TNFRSF1B: variants seen among roughly 807,000 people sequenced by gnomAD.
TNFRSF1B encodes TNF receptor superfamily member 1B, also known as tumor necrosis factor receptor superfamily member 1B.
In TNFRSF1B, 19 loss-of-function variants were observed where a neutral mutation model predicts 44.6. The ratio of observed to expected loss-of-function variants is 0.43; its 90% CI spans 0.30 to 0.62. The LOEUF (loss-of-function observed/expected upper bound fraction) is 0.62. Ranked by LOEUF, TNFRSF1B falls within the 20% of genes least tolerant of loss-of-function variation. The pLI, the probability that TNFRSF1B is intolerant of heterozygous loss-of-function variation, is 0.16. For missense variants in TNFRSF1B, 541 were observed against 619.9 expected, an observed-to-expected ratio of 0.87 and a Z score of 1.35; for synonymous variants, 252 against 261.1, an observed-to-expected ratio of 0.97 and a Z score of 0.34.
At chr1:12,193,332 G>A (rs570650340) in intron 6 of TNFRSF1B, among the ~76,000 whole-genome samples, 1 of 152,342 alleles carries the variant, frequency 6.6e-6, no homozygotes, top group East Asian at 1.9e-4. Context: ...CAGTGCTTTG[G>A]GAGGCCAAGG....
At chr1:12,188,920 G>C (rs371927176) in intron 2 of TNFRSF1B, 25 bp downstream of exon 2, 3 of 1,604,242 alleles carry the variant, frequency 1.9e-6, no homozygotes, top group South Asian at 2.2e-5. Context: ...GGGGGCACTC[G>C]GGGCCCATGC....
intron 9 of TNFRSF1B, among the ~76,000 whole-genome samples, chr1:12,205,764 G>A (rs1287625898): frequency 1.3e-5 from 2 of 152,050 alleles, no homozygotes; most frequent in Non-Finnish European, 2.9e-5. Flanking sequence ...TGGGATTATA[G>A]GCACCTGCCA....
rs1041349825 is a variant in TNFRSF1B at position 12,186,828 on chromosome 1, C to T, written c.79-1968C>T. Among the ~76,000 whole-genome samples the T allele has an allele frequency of 2.0e-5, 3 of 152,246 alleles. No homozygotes were observed. The highest frequency in any genetic ancestry group is 4.8e-5 in the African/African-American group (2 of 41,466). On this transcript the variant is annotated intron_variant, in intron 1 of 9. Transcript: ENST00000376259. This position sits in a 1 kb window ranked among gnomAD's most constrained non-coding sequence, Gnocchi z 4.8. Reference sequence around the variant, plus strand: ...CTGAAGGACTTGGGGTGTGTGTGTACACCCTCTTTGCTTGTACAGATGTGT... The same window carrying T: ...CTGAAGGACTTGGGGTGTGTGTGTATACCCTCTTTGCTTGTACAGATGTGT...
Position 12,167,096 on chromosome 1 carries a change from C to A in TNFRSF1B, c.5C>A (p.Ala2Glu). The A allele has an allele frequency of 1.5e-6, 2 of 1,331,912 alleles. No individual in the cohort carries two copies. Among genetic ancestry groups the A allele is most frequent in the Non-Finnish European group, 1.9e-6 (2 of 1,038,478 alleles). The allele number at this position is 1,331,912 out of a possible 1,614,324, so 82.5% of individuals were successfully genotyped here. A position where few individuals can be genotyped will look rare whatever the true frequency, so the allele number is the denominator to read the frequency against. ...AACCGGACCCCGCCCGCACCCATGG[C>A]GCCCGTCGCCGTCTGGGCCGCGCTG... is the stretch of plus-strand genomic sequence containing the variant. M[A>E]PVAVWAALAV... Residue 2 changes from alanine to glutamate, a missense_variant, in exon 1 of 10, where the codon GCG (alanine) becomes GAG (glutamate). Coordinates refer to ENST00000376259, the MANE Select transcript of TNFRSF1B (RefSeq NM_001066.3).
At chr1:12,190,342 C>G (rs1285975088) in intron 2 of TNFRSF1B, among the ~76,000 whole-genome samples, 1 of 151,790 alleles carries the variant, frequency 6.6e-6, no homozygotes, top group African/African-American at 2.4e-5. Context: ...ACCTGTAATC[C>G]CAGCTACTTG....
In TNFRSF1B at chr1:12,202,003, G is replaced by T. The variant is rs760290566; in HGVS notation, c.937G>T (p.Gly313Cys). 6.2e-7 allele frequency: 1 copy of T among 1,612,946 alleles called. No homozygotes were observed. The highest frequency in any genetic ancestry group is 1.3e-5 in the African/African-American group (1 of 74,914). Residue 313 changes from glycine (G) to cysteine (C), a missense_variant, in exon 9 of 10, where the codon GGC becomes TGC. Coordinates refer to ENST00000376259, the MANE Select transcript of TNFRSF1B (RefSeq NM_001066.3). The stretch of plus-strand genomic sequence containing the variant: ...TGCCGATAAGGCCCGGGGTACACAG[G>T]GCCCCGAGCAGCAGCACCTGCTGAT... ...LPADKARGTQ[G>C]PEQQHLLITA...
chr1:12,167,050 G>A lies in TNFRSF1B; in HGVS notation c.-42G>A. 8.0e-7 allele frequency: 1 copy of A among 1,252,172 alleles called. No homozygotes were observed. The highest frequency in any genetic ancestry group is 1.0e-6 in the Non-Finnish European group (1 of 992,078). 77.6% of individuals were successfully genotyped at this position (1,252,172 alleles called of 1,614,324 possible). A position where few individuals can be genotyped will look rare whatever the true frequency, so the allele number is the denominator to read the frequency against. ...AGAAGGCGCTGGGCTGCGAGGGCGC[G>A]AGGGCGCGAGGGCAGGGGGCAACCG... On this transcript the variant is annotated 5_prime_UTR_variant, in exon 1 of 10. Coordinates refer to ENST00000376259, the MANE Select transcript of TNFRSF1B (RefSeq NM_001066.3).
Position 12,167,043 on chromosome 1 carries a change from AG to A in TNFRSF1B, c.-46del, listed in dbSNP as rs1638398748. The A allele has an allele frequency of 4.1e-6, 5 of 1,207,350 alleles. No individual in the cohort carries two copies. In the South Asian group the frequency reaches 1.1e-4, roughly 26 times the overall value. 74.8% of individuals were successfully genotyped at this position (1,207,350 alleles called of 1,614,324 possible). On this transcript the variant is annotated 5_prime_UTR_variant, in exon 1 of 10. Transcript: ENST00000376259. Reference sequence around the variant, plus strand: ...CCTGGAGAGAAGGCGCTGGGCTGCGAGGGCGCGAGGGCGCGAGGGCAGGGGG... The same window carrying A: ...CCTGGAGAGAAGGCGCTGGGCTGCGAGGCGCGAGGGCGCGAGGGCAGGGGG...
chr1:12,183,605 CTATCTATCTGTT>C lies in TNFRSF1B; in HGVS notation c.79-5189_79-5178del, dbSNP rs757473629. ...CTAGCTATCTTTCTATTTTATCTAT[CTATCTATCTGTT>C]TGTCTGTCTGTTTTATCTATCTAGC... On this transcript the variant is annotated intron_variant, in intron 1 of 9. Transcript: ENST00000376259. Among the ~76,000 whole-genome samples the C allele has an allele frequency of 3.2e-3, 477 of 148,090 alleles. 5 individuals are homozygous for C. The highest frequency in any genetic ancestry group is 0.024 in the Middle Eastern group (7 of 288).
At chr1:12,201,215 T>A (rs1639383765) in intron 8 of TNFRSF1B, among the ~76,000 whole-genome samples, 1 of 146,548 alleles carries the variant, frequency 6.8e-6, no homozygotes, top group Admixed American at 7.1e-5. Context: ...CAGCTATGAT[T>A]GTGCCACTCC....
At chr1:12,185,310 CTTT>C (rs1300501820) in intron 1 of TNFRSF1B, among the ~76,000 whole-genome samples, 1 of 95,524 alleles carries the variant, frequency 1.0e-5, no homozygotes, top group African/African-American at 3.5e-5. Flanking sequence ...TTTCCTTTTT[CTTT>C]TTCTTTCTCT....
intron 1 of TNFRSF1B, among the ~76,000 whole-genome samples, chr1:12,181,243 G>T (rs952931588): frequency 2.6e-5 from 4 of 152,184 alleles, no homozygotes; most frequent in African/African-American, 9.6e-5. Flanking sequence ...CTGCCCTGGG[G>T]TGTGTTCTCG....
At chr1:12,185,392 C>A (rs1293214284) in intron 1 of TNFRSF1B, among the ~76,000 whole-genome samples, 1 of 152,158 alleles carries the variant, frequency 6.6e-6, no homozygotes, top group Non-Finnish European at 1.5e-5. Flanking sequence ...TGGGTGTTGG[C>A]TTCATGACAG....
At chr1:12,181,540 C>T (rs1638805798) in intron 1 of TNFRSF1B, among the ~76,000 whole-genome samples, 4 of 152,172 alleles carry the variant, frequency 2.6e-5, no homozygotes, top group African/African-American at 7.2e-5. Flanking sequence ...GACCCACTAC[C>T]CTGACCTCCT....
intron 3 of TNFRSF1B, among the ~76,000 whole-genome samples, chr1:12,191,481 G>GCGGGGAGGAGCGGGAC (rs1250427856): frequency 1.2e-4 from 18 of 151,726 alleles, no homozygotes; most frequent in Admixed American, 6.6e-5. Flanking sequence ...GAGCGGGACT[G>GCGGGGAGGAGCGGGAC]TGGGGAGGAG....
chr1:12,198,190 C>T (rs551871159), intron 8 of TNFRSF1B, among the ~76,000 whole-genome samples: 1 of 151,564 alleles, frequency 6.6e-6, no homozygotes, highest in African/African-American at 2.4e-5. Context: ...CGGACACACT[C>T]ATGCACGGAC....
intron 5 of TNFRSF1B, 105 bp from the exon 6 acceptor site, chr1:12,192,758 A>C: frequency 9.6e-7 from 1 of 1,042,872 alleles, no homozygotes; most frequent in South Asian, 1.5e-5. Context: ...GAGAGGGCAC[A>C]CATCGTCACT....
chr1:12,167,604 G>A, intron 1 of TNFRSF1B: 2 of 268,116 alleles, frequency 7.5e-6, no homozygotes, highest in South Asian at 3.2e-5. Context: ...CACTGCCCAC[G>A]CCGGGCACCC....
chr1:12,183,699 T>TAGCTAG (rs1553163433), intron 1 of TNFRSF1B, among the ~76,000 whole-genome samples: 4 of 102,266 alleles, frequency 3.9e-5, no homozygotes, highest in African/African-American at 1.3e-4. Context: ...TATCTATCTA[T>TAGCTAG]CTATCTATCT....
Sources: allele counts gnomAD v4.1 joint callset (sites outside exome capture counted in the v4.1 genomes callset), GRCh38; gene constraint gnomAD v4.1.1; non-coding constraint Gnocchi (gnomAD v3.1); transcripts MANE v1.5; gene names NCBI Gene and HGNC (gene_info 2026-07-23, HGNC 2026-07-21).